RBFOX1: variants seen among roughly 807,000 people sequenced by gnomAD.
The protein encoded by RBFOX1 is RNA binding fox-1 homolog 1.
A neutral mutation model predicts 57.7 loss-of-function variants in RBFOX1; 8 were observed. The observed-to-expected ratio is 0.14, with a 90% CI of 0.08 to 0.25. RBFOX1 has a LOEUF of 0.25. RBFOX1 is among the 10% of genes least tolerant of loss of function. The pLI, the probability that RBFOX1 is intolerant of heterozygous loss-of-function variation, is 1.00. For synonymous variants in RBFOX1, 326 were observed against 222.4 expected (o/e 1.47, Z -4.15); for missense variants, 611 against 548.5 (o/e 1.11, Z -1.14).
chr16:6,630,559 A>G (rs1046748567), intron 2 of RBFOX1, among the ~76,000 whole-genome samples: 3 of 152,190 alleles, frequency 2.0e-5, no homozygotes, highest in Non-Finnish European at 2.9e-5. Flanking sequence ...GCCACTTTAC[A>G]GGTTAAGAAA....
At chr16:7,395,566 A>G (rs1280340001) in intron 4 of RBFOX1, among the ~76,000 whole-genome samples, 1 of 152,210 alleles carries the variant, frequency 6.6e-6, no homozygotes, top group Non-Finnish European at 1.5e-5. Context: ...GAATGCTTAA[A>G]GCAGAAAACA....
chr16:5,668,176 G>C (rs143926168), intron 3 of RBFOX1, among the ~76,000 whole-genome samples: 1 of 152,266 alleles, frequency 6.6e-6, no homozygotes, highest in East Asian at 1.9e-4. Flanking sequence ...AGCTACTCAG[G>C]AGGCTGAGGC....
chr16:5,944,622 C>G (rs1249111635), intron 4 of RBFOX1, among the ~76,000 whole-genome samples: 1 of 151,132 alleles, frequency 6.6e-6, no homozygotes, highest in Non-Finnish European at 1.5e-5. Flanking sequence ...GAAATCTATA[C>G]TGTCCCCGCC....
intron 1 of RBFOX1, among the ~76,000 whole-genome samples, chr16:5,448,187 G>A (rs935383913): frequency 1.8e-4 from 28 of 152,144 alleles, no homozygotes; most frequent in African/African-American, 5.6e-4. Context: ...CTAAGCCTCC[G>A]CATCTTCAAC....
intron 3 of RBFOX1, among the ~76,000 whole-genome samples, chr16:6,728,584 T>C (rs975570714): frequency 1.1e-4 from 16 of 152,296 alleles, no homozygotes; most frequent in African/African-American, 3.8e-4. Context: ...TTACTCAATA[T>C]AGGGAAGCAG....
intron 3 of RBFOX1, among the ~76,000 whole-genome samples, chr16:5,655,976 T>C (rs1317693552): frequency 6.6e-6 from 1 of 152,246 alleles, no homozygotes; most frequent in Non-Finnish European, 1.5e-5. Context: ...TCTGTCTTGT[T>C]CACCACAATG....
intron 2 of RBFOX1, among the ~76,000 whole-genome samples, chr16:6,609,807 A>G (rs912114240): frequency 1.5e-4 from 23 of 152,088 alleles, no homozygotes; most frequent in African/African-American, 5.6e-4. Context: ...CAAAAGGTCA[A>G]GACCATCCTG....
At chr16:6,683,063 G>A (rs1022547947) in intron 3 of RBFOX1, among the ~76,000 whole-genome samples, 1 of 152,020 alleles carries the variant, frequency 6.6e-6, no homozygotes. Context: ...GAATGCGTGT[G>A]ATACAACATG....
intron 2 of RBFOX1, among the ~76,000 whole-genome samples, chr16:6,440,177 C>T (rs1055483263): frequency 5.3e-5 from 8 of 151,836 alleles, no homozygotes; most frequent in African/African-American, 1.2e-4. Context: ...CCTCGTGATT[C>T]GTCCGCCTCA....
At chr16:7,052,665 G>A (rs1279574685) in intron 4 of RBFOX1, among the ~76,000 whole-genome samples, 49 of 152,094 alleles carry the variant, frequency 3.2e-4, no homozygotes, top group Admixed American at 3.1e-3. Flanking sequence ...CAGGCATATC[G>A]GTGTAAGAAG....
rs1015599442 is a variant in RBFOX1 at position 5,377,585 on chromosome 16, G to A, written c.220-89631G>A. On this transcript the variant is annotated intron_variant, in intron 1 of 2. Transcript: ENST00000585867. ...GAAGGAAAGGAAAGAGAGGAGATGG[G>A]GGGAGAGAGAGAGAAAGAACAAGAG... Among the ~76,000 whole-genome samples, 53 of 149,024 alleles carry A rather than the reference G, an allele frequency of 3.6e-4. 2 individuals carry two copies. Among genetic ancestry groups the A allele is most frequent in the African/African-American group, 1.2e-3 (47 of 39,736 alleles).
chr16:5,842,948 A>G (rs1387778538), intron 3 of RBFOX1, among the ~76,000 whole-genome samples: 4 of 152,058 alleles, frequency 2.6e-5, no homozygotes, highest in Middle Eastern at 3.2e-3. Flanking sequence ...CCTCCTGAGT[A>G]GCTGGGATTA....
At chr16:6,521,221 C>CT (rs2096491048) in intron 2 of RBFOX1, among the ~76,000 whole-genome samples, 1 of 152,070 alleles carries the variant, frequency 6.6e-6, no homozygotes, top group South Asian at 2.1e-4. Flanking sequence ...GACATTATGA[C>CT]AGGGAAGCCT....
At chr16:7,364,629 G>T (rs2097402131) in intron 4 of RBFOX1, among the ~76,000 whole-genome samples, 1 of 150,040 alleles carries the variant, frequency 6.7e-6, no homozygotes, top group African/African-American at 2.5e-5. Flanking sequence ...GAATTATTCA[G>T]CCATTAGAGG....
intron 1 of RBFOX1, among the ~76,000 whole-genome samples, chr16:6,191,512 G>A (rs145591685): frequency 2.6e-5 from 4 of 152,064 alleles, no homozygotes; most frequent in African/African-American, 9.7e-5. Flanking sequence ...TACAACTGCC[G>A]TGTATCTCAA....
At chr16:6,098,930 G>A (rs1261377140) in intron 1 of RBFOX1, among the ~76,000 whole-genome samples, 1 of 152,144 alleles carries the variant, frequency 6.6e-6, no homozygotes, top group Non-Finnish European at 1.5e-5. Flanking sequence ...GTTGAAGGAC[G>A]GCCTGGACTG....
intron 10 of RBFOX1, among the ~76,000 whole-genome samples, chr16:7,630,347 G>A (rs2060749143): frequency 6.6e-6 from 1 of 151,918 alleles, no homozygotes; most frequent in African/African-American, 2.4e-5. Context: ...CTGGGCCCTG[G>A]GGCAACCAGA....
chr16:7,030,964 A>G (rs2042639462), intron 3 of RBFOX1, among the ~76,000 whole-genome samples: 1 of 152,232 alleles, frequency 6.6e-6, no homozygotes, highest in Non-Finnish European at 1.5e-5. Flanking sequence ...TGATCAAGAA[A>G]GGACATGGGG....
At chr16:7,468,155 C>T (rs1344184668) in intron 4 of RBFOX1, among the ~76,000 whole-genome samples, 1 of 152,186 alleles carries the variant, frequency 6.6e-6, no homozygotes, top group East Asian at 1.9e-4. Context: ...GGCATTAAAT[C>T]TCCACAGTAA....
Sources: allele counts gnomAD v4.1 joint callset (sites outside exome capture counted in the v4.1 genomes callset), GRCh38; gene constraint gnomAD v4.1.1; transcripts MANE v1.5; gene names NCBI Gene and HGNC (gene_info 2026-07-23, HGNC 2026-07-21).